The following GOLGB1 variants were observed in gnomAD, a reference collection of about 807,000 sequenced individuals.
The protein encoded by GOLGB1 is golgin B1.
Under a neutral mutation model 336.9 loss-of-function variants are expected in GOLGB1, and 174 were observed. The ratio of observed to expected loss-of-function variants is 0.52; its 90% CI spans 0.46 to 0.59. GOLGB1 has a LOEUF of 0.59. Ranked by LOEUF, GOLGB1 falls within the 20% of genes least tolerant of loss-of-function variation. The probability of loss-of-function intolerance (pLI) is 0.00; values close to 1 mark genes in which losing one functional copy is unlikely to be tolerated. For missense variants in GOLGB1, 3,331 were observed against 3,645.3 expected, an observed-to-expected ratio of 0.91 and a Z score of 2.22; for synonymous variants, 1,208 against 1,289.2, an observed-to-expected ratio of 0.94 and a Z score of 1.35.
chr3:121,699,716 C>G, intron 12 of GOLGB1, 96 bp downstream of exon 12: 1 of 678,698 alleles, frequency 1.5e-6, no homozygotes, highest in Non-Finnish European at 2.6e-6. Flanking sequence ...ATGTACTTCT[C>G]TGGCAACACT....
intron 12 of GOLGB1, 33 bp from the exon 13 acceptor site, chr3:121,698,962 C>T: frequency 6.9e-7 from 1 of 1,452,286 alleles, no homozygotes; most frequent in Non-Finnish European, 9.2e-7. Flanking sequence ...AAGCTGTAAT[C>T]AAATGTTTTA....
intron 21 of GOLGB1, 68 bp downstream of exon 21, chr3:121,664,858 C>A (rs1938376133): frequency 3.1e-6 from 3 of 972,344 alleles, no homozygotes; most frequent in African/African-American, 1.6e-5. Flanking sequence ...CTCCTCAGCT[C>A]CTTGCCCCCA....
Position 121,667,630 on chromosome 3 carries a change from C to T in GOLGB1, c.9420-20G>A, listed in dbSNP as rs1452949101. 1 of 1,608,284 alleles carries T rather than the reference C, an allele frequency of 6.2e-7. No homozygotes were observed. The highest frequency in any genetic ancestry group is 1.3e-5 in the African/African-American group (1 of 74,638). ...GAAAAGCTTTAGGATGAGAGGAAAA[C>T]AAAAAGCATCATCAGATGCAGAAAA... On this transcript the variant is annotated intron_variant, in intron 19 of 21. Transcript: ENST00000614479.
chr3:121,698,937 TA>T lies in GOLGB1; in HGVS notation c.1594-9del. 3.3e-6 allele frequency: 5 copies of T among 1,499,676 alleles called. No homozygotes were observed. The highest frequency in any genetic ancestry group is 4.5e-6 in the Non-Finnish European group (5 of 1,122,614). 92.9% of individuals were successfully genotyped at this position (1,499,676 alleles called of 1,614,324 possible). On this transcript the variant is annotated splice_polypyrimidine_tract_variant and intron_variant, in intron 12 of 21. Coordinates refer to ENST00000614479, the MANE Select transcript of GOLGB1 (RefSeq NM_001366282.2). ...AATATCAACAATGCTGATCTATTTT[TA>T]AAAAAGAAAAAAAAAGCTGTAATCA... is the stretch of plus-strand genomic sequence containing the variant.
chr3:121,708,043 T>C (rs1014047707), intron 10 of GOLGB1, among the ~76,000 whole-genome samples: 1 of 152,186 alleles, frequency 6.6e-6, no homozygotes, highest in South Asian at 2.1e-4. Context: ...TATCCATCAA[T>C]GAGTCAATGG....
chr3:121,677,548 T>C, intron 15 of GOLGB1, 98 bp from the exon 16 acceptor site: 2 of 771,906 alleles, frequency 2.6e-6, no homozygotes, highest in South Asian at 3.3e-5. Flanking sequence ...TCTTCAAAGT[T>C]ACTCAAATCT....
chr3:121,721,001 G>A (rs1057363694), intron 6 of GOLGB1, among the ~76,000 whole-genome samples: 1 of 152,056 alleles, frequency 6.6e-6, no homozygotes, highest in Non-Finnish European at 1.5e-5. Flanking sequence ...ACACATGTAT[G>A]TATCTTGGCT....
At position 121,695,133 on chromosome 3, in the gene GOLGB1, G is replaced by C. The variant is rs1451858010; in HGVS notation, c.5390C>G (p.Ser1797Cys). ...TTGCTCTTCAGTCTCACCTGGTATA[G>C]ACTGTGTTCCCTCTTCAGTGACATT... Reference protein sequence around the residue: ...QTNVTEEGTQSIPGETEEQDS... With the variant: ...QTNVTEEGTQCIPGETEEQDS... The change falls in exon 13 of 22, where the codon TCT becomes TGT. Residue 1797 changes from serine (S) to cysteine (C), a missense_variant. Physicochemically the swap from Ser to Cys is moderately radical, Grantham distance 112 (BLOSUM62 -1). Coordinates refer to ENST00000614479, the MANE Select transcript of GOLGB1 (RefSeq NM_001366282.2). The C allele has an allele frequency of 6.2e-7, 1 of 1,613,700 alleles. No homozygotes were observed. Among genetic ancestry groups the C allele is most frequent in the East Asian group, 2.2e-5 (1 of 44,860 alleles).
Position 121,698,628 on chromosome 3 carries a change from T to A in GOLGB1, c.1895A>T (p.Asn632Ile). 1 of 1,613,892 alleles carries A rather than the reference T, an allele frequency of 6.2e-7. No individual in the cohort carries two copies. The highest frequency in any genetic ancestry group is 8.5e-7 in the Non-Finnish European group (1 of 1,179,846). Residue 632 changes from asparagine (N) to isoleucine (I), a missense_variant, in exon 13 of 22, where the codon AAT (asparagine) becomes ATT (isoleucine). Transcript: ENST00000614479. ...DTGQDFPLMPNEESSLPAVEK... is the reference protein window; with the variant it reads ...DTGQDFPLMPIEESSLPAVEK... The stretch of plus-strand genomic sequence containing the variant: ...AACTGCTGGAAGACTGCTCTCTTCA[T>A]TTGGCATTAAGGGAAAATCTTGCCC...
chr3:121,682,724 C>G (rs114398224), intron 14 of GOLGB1, among the ~76,000 whole-genome samples: 2 of 152,182 alleles, frequency 1.3e-5, no homozygotes, highest in African/African-American at 4.8e-5. Flanking sequence ...TTAGAGACAT[C>G]GCTAAAGCTA....
chr3:121,715,650 T>C (rs536467975), intron 9 of GOLGB1, among the ~76,000 whole-genome samples: 1 of 152,174 alleles, frequency 6.6e-6, no homozygotes, highest in South Asian at 2.1e-4. Context: ...TCAGCATGCT[T>C]AAGAGAACAG....
At chr3:121,702,958 C>G (rs1411384591) in intron 10 of GOLGB1, among the ~76,000 whole-genome samples, 2 of 152,074 alleles carry the variant, frequency 1.3e-5, no homozygotes, top group Non-Finnish European at 2.9e-5. Context: ...GGTCTCTCTC[C>G]TGAAGGAGAA....
At chr3:121,701,955 G>A (rs1016169495) in intron 11 of GOLGB1, among the ~76,000 whole-genome samples, 6 of 152,036 alleles carry the variant, frequency 3.9e-5, no homozygotes, top group African/African-American at 7.2e-5. Context: ...CCAAATTCCT[G>A]AAAAAGATAA....
In GOLGB1 at chr3:121,664,566, A is replaced by G; in HGVS notation, c.9709T>C (p.Ser3237Pro). The G allele has an allele frequency of 6.2e-7, 1 of 1,613,216 alleles. No homozygotes were observed. Among genetic ancestry groups the G allele is most frequent in the Non-Finnish European group, 8.5e-7 (1 of 1,179,132 alleles). The change falls in exon 22 of 22, where the codon TCA (serine) becomes CCA (proline). Residue 3237 changes from serine to proline, a missense_variant. Coordinates refer to ENST00000614479, the MANE Select transcript of GOLGB1 (RefSeq NM_001366282.2). The stretch of plus-strand genomic sequence containing the variant: ...GCTAGAAGTGGCACTCGGGTCCGTG[A>G]ATGACAGAGTGAACGCAGGACTCGC... Reference protein sequence around the residue: ...WKRVLRSLCHSRTRVPLLAAI... With the variant: ...WKRVLRSLCHPRTRVPLLAAI...
rs774194797 is a variant in GOLGB1 at position 121,696,648 on chromosome 3, T to C, written c.3875A>G (p.Asp1292Gly). The C allele has an allele frequency of 1.9e-6, 3 of 1,614,138 alleles. No individual in the cohort carries two copies. Among genetic ancestry groups the C allele is most frequent in the Admixed American group, 3.3e-5 (2 of 60,016 alleles). The part of the protein sequence containing the change: ...QPVLESNLCP[D>G]WPSHSEDASA... ...CGCATCTTCAGAATGAGAAGGCCAGTCTGGGCACAAGTTGGACTCTAAAAC... is the reference window on the plus strand; with the variant it reads ...CGCATCTTCAGAATGAGAAGGCCAGCCTGGGCACAAGTTGGACTCTAAAAC... Residue 1292 changes from aspartate (D) to glycine (G), a missense_variant, in exon 13 of 22, where the codon GAC becomes GGC. Coordinates refer to ENST00000614479, the MANE Select transcript of GOLGB1 (RefSeq NM_001366282.2).
intron 20 of GOLGB1, among the ~76,000 whole-genome samples, chr3:121,666,918 CA>C (rs1938704949): frequency 6.6e-6 from 1 of 152,196 alleles, no homozygotes; most frequent in Non-Finnish European, 1.5e-5. Context: ...ATAGGAAGCA[CA>C]GTTCACTCTG....
Position 121,718,509 on chromosome 3 carries a change from G to A in GOLGB1, c.772-8C>T, listed in dbSNP as rs369353906. On this transcript the variant is annotated splice_polypyrimidine_tract_variant and splice_region_variant and intron_variant, in intron 7 of 21. Coordinates refer to ENST00000614479, the MANE Select transcript of GOLGB1 (RefSeq NM_001366282.2). ...TTGCAGCACCCTCAATTTCTGAGAA[G>A]AAAACATTTTAGACATAATATGCTA... The A allele has an allele frequency of 7.0e-5, 109 of 1,567,520 alleles. No individual in the cohort carries two copies. In the Middle Eastern group the frequency reaches 8.3e-4, roughly 12 times the overall value.
At chr3:121,736,859 G>A (rs898968856) in intron 1 of GOLGB1, among the ~76,000 whole-genome samples, 3 of 152,082 alleles carry the variant, frequency 2.0e-5, no homozygotes, top group African/African-American at 2.4e-5. Flanking sequence ...AGCTGAGATC[G>A]CACCACTGCA....
At chr3:121,707,082 C>T (rs889329779) in intron 10 of GOLGB1, among the ~76,000 whole-genome samples, 5 of 151,632 alleles carry the variant, frequency 3.3e-5, no homozygotes, top group African/African-American at 1.2e-4. Flanking sequence ...AAAAAAATAG[C>T]CAGGTGTGGT....
Sources: allele counts gnomAD v4.1 joint callset (sites outside exome capture counted in the v4.1 genomes callset), GRCh38; gene constraint gnomAD v4.1.1; transcripts MANE v1.5; gene names NCBI Gene and HGNC (gene_info 2026-07-23, HGNC 2026-07-21).